Variants in CRISPLD2 observed in about 807,000 individuals in gnomAD.
The protein encoded by CRISPLD2 is cysteine rich secretory protein LCCL domain containing 2.
CRISPLD2 carries 47 observed loss-of-function variants against 71.1 expected under a neutral mutation model. The ratio of observed to expected loss-of-function variants is 0.66; its 90% CI spans 0.52 to 0.84. The LOEUF (loss-of-function observed/expected upper bound fraction) is 0.84, where lower values mean the gene tolerates loss of function less well. Among genes scored for constraint, CRISPLD2 ranks in the 40% least tolerant of loss-of-function variants. The pLI, the probability that CRISPLD2 is intolerant of heterozygous loss-of-function variation, is 0.00. For synonymous variants in CRISPLD2, 317 were observed against 250.1 expected, an observed-to-expected ratio of 1.27 and a Z score of -2.52; for missense variants, 830 against 651.1, an observed-to-expected ratio of 1.27 and a Z score of -2.99.
At chr16:84,826,005 G>C (rs1422014826) in intron 1 of CRISPLD2, among the ~76,000 whole-genome samples, 2 of 151,990 alleles carry the variant, frequency 1.3e-5, no homozygotes, top group African/African-American at 4.8e-5. Flanking sequence ...AGGACTCATA[G>C]AAATGCAGGT....
At chr16:84,902,039 T>C (rs1349157343) in intron 14 of CRISPLD2, among the ~76,000 whole-genome samples, 1 of 151,652 alleles carries the variant, frequency 6.6e-6, no homozygotes, top group East Asian at 2.0e-4. Flanking sequence ...TCTCAAGTGA[T>C]CTGCCGGCCT....
chr16:84,883,672 T>C (rs952725135), intron 13 of CRISPLD2, among the ~76,000 whole-genome samples: 1 of 152,182 alleles, frequency 6.6e-6, no homozygotes. Context: ...CAGGTGAACC[T>C]GCTGGTCTGG....
At chr16:84,824,567 T>C (rs1916305396) in intron 1 of CRISPLD2, among the ~76,000 whole-genome samples, 1 of 152,158 alleles carries the variant, frequency 6.6e-6, no homozygotes, top group South Asian at 2.1e-4. Flanking sequence ...ATTGTCCCTA[T>C]CACCTCTCCC....
At chr16:84,842,688 T>C (rs1422403345) in intron 2 of CRISPLD2, among the ~76,000 whole-genome samples, 1 of 152,134 alleles carries the variant, frequency 6.6e-6, no homozygotes, top group Non-Finnish European at 1.5e-5. Flanking sequence ...TTTTTCTTTT[T>C]CGCCGCCAAT....
chr16:84,882,554 G>A (rs930023866), intron 13 of CRISPLD2, among the ~76,000 whole-genome samples: 7 of 152,032 alleles, frequency 4.6e-5, no homozygotes, highest in Non-Finnish European at 7.4e-5. Flanking sequence ...ACAGGCACCC[G>A]TCACCACACC....
intron 1 of CRISPLD2, chr16:84,829,266 T>A (rs1916428691): frequency 6.6e-6 from 1 of 152,190 alleles, no homozygotes; most frequent in Non-Finnish European, 1.5e-5. Flanking sequence ...GGGTCTGGCT[T>A]CAATCCTGCC....
intron 1 of CRISPLD2, among the ~76,000 whole-genome samples, chr16:84,838,101 C>G (rs1189673875): frequency 6.6e-6 from 1 of 152,168 alleles, no homozygotes; most frequent in Non-Finnish European, 1.5e-5. Flanking sequence ...TGAGATTCAC[C>G]TGAGTCCTGA....
chr16:84,904,347 G>A lies in CRISPLD2; in HGVS notation c.1440-2241G>A, dbSNP rs565153692. On this transcript the variant is annotated intron_variant, in intron 14 of 14. Transcript: ENST00000262424. ...CGCCTGAAATCCCAGCACTTTGGGAGGCCAAGGAGGGGAGGATCACGAAGT... is the reference window on the plus strand; with the variant it reads ...CGCCTGAAATCCCAGCACTTTGGGAAGCCAAGGAGGGGAGGATCACGAAGT... Among the ~76,000 whole-genome samples, 225 of 85,836 alleles carry A rather than the reference G, an allele frequency of 2.6e-3. 2 individuals carry two copies. The East Asian group carries it at 0.11, about 42-fold the overall frequency. The allele number at this position is 85,836 out of a possible 152,430, so 56.3% of individuals were successfully genotyped here.
intron 7 of CRISPLD2, among the ~76,000 whole-genome samples, chr16:84,868,045 G>A (rs970454140): frequency 6.6e-6 from 1 of 152,154 alleles, no homozygotes; most frequent in Non-Finnish European, 1.5e-5. Context: ...CGTTTGCCCC[G>A]CAAGCCTCAA....
intron 7 of CRISPLD2, 75 bp from the exon 8 acceptor site, chr16:84,868,776 C>T (rs1917611305): frequency 1.7e-6 from 2 of 1,152,590 alleles, no homozygotes; most frequent in South Asian, 2.5e-5. Flanking sequence ...TCCAGAATGT[C>T]CCTCAGCATG....
chr16:84,829,903 C>T (rs73250011), intron 1 of CRISPLD2, among the ~76,000 whole-genome samples: 11,322 of 152,314 alleles, frequency 0.074, 533 homozygotes, highest in Middle Eastern at 0.14. Flanking sequence ...CCTCATCCCA[C>T]GTTGGCGTGG....
intron 13 of CRISPLD2, among the ~76,000 whole-genome samples, chr16:84,884,283 C>A (rs1342639226): frequency 2.0e-5 from 3 of 152,088 alleles, no homozygotes; most frequent in Non-Finnish European, 4.4e-5. Context: ...GGTGTGAGCC[C>A]CCCTGCCCCT....
At chr16:84,862,264 G>A (rs947118828) in intron 6 of CRISPLD2, among the ~76,000 whole-genome samples, 6 of 151,888 alleles carry the variant, frequency 4.0e-5, no homozygotes, top group African/African-American at 9.7e-5. Context: ...GTGCAGTGGC[G>A]TAATCTTGGC....
In CRISPLD2 at chr16:84,854,836, A is replaced by G. The variant is rs2646128; in HGVS notation, c.709+7A>G. 12,190 of 1,605,798 alleles carry G rather than the reference A, an allele frequency of 7.6e-3. 686 individuals carry two copies. In the African/African-American group the frequency reaches 0.14, roughly 18 times the overall value. On this transcript the variant is annotated splice_region_variant and intron_variant, in intron 6 of 14. Coordinates refer to ENST00000262424, the MANE Select transcript of CRISPLD2 (RefSeq NM_031476.4). ...AACAACTTGTGTTACCGAGGTAGGA[A>G]ATTTACTCCCAACACTTTTGCAATG...
intron 6 of CRISPLD2, chr16:84,863,081 A>G (rs1016978797): frequency 6.6e-6 from 1 of 152,148 alleles, no homozygotes; most frequent in Non-Finnish European, 1.5e-5. Context: ...CCCCATGTTC[A>G]TCAACCCCCA....
At chr16:84,878,359 G>A (rs866003939) in intron 12 of CRISPLD2, among the ~76,000 whole-genome samples, 5 of 139,570 alleles carry the variant, frequency 3.6e-5, no homozygotes, top group African/African-American at 1.4e-4. Flanking sequence ...TCCAGCTCCC[G>A]GCCACACCCC....
intron 1 of CRISPLD2, among the ~76,000 whole-genome samples, chr16:84,824,601 A>G (rs1462335220): frequency 1.3e-5 from 2 of 152,166 alleles, no homozygotes; most frequent in South Asian, 2.1e-4. Flanking sequence ...CTTTTACAAC[A>G]AAGAGCAAGC....
intron 8 of CRISPLD2, among the ~76,000 whole-genome samples, chr16:84,871,423 C>T (rs893116272): frequency 6.6e-6 from 1 of 152,134 alleles, no homozygotes; most frequent in African/African-American, 2.4e-5. Context: ...CCTGTAGTCC[C>T]AGCTACTTGG....
Position 84,889,249 on chromosome 16 carries a change from C to G in CRISPLD2, c.1325C>G (p.Thr442Arg). 1 of 1,614,194 alleles carries G rather than the reference C, an allele frequency of 6.2e-7. No homozygotes were observed. The highest frequency in any genetic ancestry group is 8.5e-7 in the Non-Finnish European group (1 of 1,180,018). ...TTCCAGACCTCAAGCATCTGCAAGACAGCCGTGCACGCGGGAGTCATCAGC... is the reference window on the plus strand; with the variant it reads ...TTCCAGACCTCAAGCATCTGCAAGAGAGCCGTGCACGCGGGAGTCATCAGC... ...IYADTSSICK[T>R]AVHAGVISNE... is the part of the protein sequence containing the mutation. The change falls in exon 14 of 15, where the codon ACA becomes AGA. Residue 442 changes from threonine (T) to arginine (R), a missense_variant. Coordinates refer to ENST00000262424, the MANE Select transcript of CRISPLD2 (RefSeq NM_031476.4).
Sources: gnomAD v4.1 joint callset for allele counts (sites outside exome capture counted in the v4.1 genomes callset) on GRCh38, gnomAD v4.1.1 for gene constraint, MANE v1.5 for transcripts, NCBI Gene and HGNC (gene_info 2026-07-23, HGNC 2026-07-21) for gene names.